OCRL: variants seen among roughly 807,000 people sequenced by gnomAD.
The protein encoded by OCRL is OCRL inositol polyphosphate-5-phosphatase, also known as inositol polyphosphate 5-phosphatase OCRL.
In OCRL, 8 loss-of-function variants were observed where a neutral mutation model predicts 78.9. The observed-to-expected ratio is 0.10, with a 90% CI of 0.06 to 0.18. The LOEUF (loss-of-function observed/expected upper bound fraction) is 0.18, where lower values mean the gene tolerates loss of function less well. Ranked by LOEUF, OCRL falls within the 10% of genes least tolerant of loss-of-function variation. The probability of loss-of-function intolerance (pLI) is 1.00; values close to 1 mark genes in which losing one functional copy is unlikely to be tolerated. For missense variants in OCRL, 454 were observed against 696.7 expected (o/e 0.65, Z 3.92); for synonymous variants, 240 against 235.4 (o/e 1.02, Z -0.18).
In OCRL at chrX:129,562,717, A is replaced by T; in HGVS notation, c.1175A>T (p.Asp392Val). 8.3e-7 allele frequency: 1 copy of T among 1,211,538 alleles called. No homozygotes were observed. Among genetic ancestry groups the T allele is most frequent in the Middle Eastern group, 2.3e-4 (1 of 4,351 alleles). The change falls in exon 12 of 24, where the codon GAC (aspartate) becomes GTC (valine). Residue 392 changes from aspartate (D) to valine (V), a missense_variant. By Grantham distance (152) the Asp-to-Val change is radical. Coordinates refer to ENST00000371113, the MANE Select transcript of OCRL (RefSeq NM_000276.4). The part of the protein sequence containing the change: ...DFERRNQDYK[D>V]ICARMSFVVP... ...GAGAGAAGGAATCAAGATTATAAGG[A>T]CATTTGTGCGAGAATGAGTTTTGTG...
intron 4 of OCRL, among the ~76,000 whole-genome samples, chrX:129,556,861 G>A (rs1236583186): frequency 9.0e-6 from 1 of 111,696 alleles, no homozygotes; most frequent in Non-Finnish European, 1.9e-5. Context: ...CTGTGCTTAC[G>A]GACAAACCAT....
rs1261919161 is a variant in OCRL at position 129,588,892 on chromosome X, G to A, written c.2348G>A (p.Ser783Asn). 1 of 1,211,493 alleles carries A rather than the reference G, an allele frequency of 8.3e-7. No homozygotes were observed. The highest frequency in any genetic ancestry group is 1.1e-6 in the Non-Finnish European group (1 of 895,361). ...DTSIPETIPGSNHSVAEALLI... is the reference protein window; with the variant it reads ...DTSIPETIPGNNHSVAEALLI... ...TTGACTTAAGTTGATTCAGCTGGCA[G>A]CAACCACTCTGTGGCTGAAGCACTG... The change falls in exon 22 of 24, where the codon AGC (serine) becomes AAC (asparagine). Residue 783 changes from serine to asparagine, a missense_variant. This residue lies in a region of OCRL where 277 missense variants were observed against 517.1 expected (regional missense o/e 0.54). Coordinates refer to ENST00000371113, the MANE Select transcript of OCRL (RefSeq NM_000276.4).
chrX:129,548,718 C>G, intron 4 of OCRL, 117 bp downstream of exon 4: 1 of 608,580 alleles, frequency 1.6e-6, no homozygotes, highest in Non-Finnish European at 2.7e-6. Context: ...TTCCTGTAGT[C>G]TCCTGTAGCA....
rs1936572347 is a variant in OCRL, at chrX:129,590,404, G to A, written c.*134G>A. The A allele has an allele frequency of 1.2e-6, 1 of 822,716 alleles. No individual in the cohort carries two copies. Among genetic ancestry groups the A allele is most frequent in the Non-Finnish European group, 1.8e-6 (1 of 557,860 alleles). The allele number at this position is 822,716 out of a possible 1,213,427, so 67.8% of individuals were successfully genotyped here. ...GTTCTGTTTATAGTAAAAAGGAAGA[G>A]CGTTTCCTAATCCCTCCTTTACCAT... On this transcript the variant is annotated 3_prime_UTR_variant, in exon 24 of 24. Transcript: ENST00000371113.
chrX:129,554,726 G>A (rs1001237249), intron 4 of OCRL, among the ~76,000 whole-genome samples: 4 of 110,638 alleles, frequency 3.6e-5, no homozygotes, highest in Non-Finnish European at 7.6e-5. Context: ...GGCCGAGGCG[G>A]GCGGATCACG....
chrX:129,590,262 G>A lies in OCRL; in HGVS notation c.2698G>A (p.Glu900Lys). The A allele has an allele frequency of 8.3e-7, 1 of 1,211,151 alleles. No homozygotes were observed. The highest frequency in any genetic ancestry group is 1.8e-5 in the South Asian group (1 of 56,963). Reference protein sequence around the residue: ...FLLGFLLGSEED With the variant: ...FLLGFLLGSEKD ...TCTGGGCTTTCTGCTTGGGAGCGAAGAAGACTAAGGCTTTTACTGTTCTCT... is the reference window on the plus strand; with the variant it reads ...TCTGGGCTTTCTGCTTGGGAGCGAAAAAGACTAAGGCTTTTACTGTTCTCT... Residue 900 changes from glutamate to lysine, a missense_variant, in exon 24 of 24, where the codon GAA (glutamate) becomes AAA (lysine). Glu to Lys is a moderately conservative substitution (Grantham distance 56). Transcript: ENST00000371113.
chrX:129,571,170 G>T (rs1936293931), intron 15 of OCRL, among the ~76,000 whole-genome samples: 2 of 110,881 alleles, frequency 1.8e-5, no homozygotes, highest in African/African-American at 3.3e-5. Context: ...ACTTCTTTTA[G>T]CCCATCTAAT....
Position 129,588,921 on chromosome X carries a change from A to G in OCRL, c.2377A>G (p.Ile793Val), listed in dbSNP as rs1484512741. ...SNHSVAEALL[I>V]FLEALPEPVI... ...CCACTCTGTGGCTGAAGCACTGCTCATTTTCTTGGAAGCCCTGCCAGAGCC... is the reference window on the plus strand; with the variant it reads ...CCACTCTGTGGCTGAAGCACTGCTCGTTTTCTTGGAAGCCCTGCCAGAGCC... The change falls in exon 22 of 24, where the codon ATT (isoleucine) becomes GTT (valine). Residue 793 changes from isoleucine to valine, a missense_variant. Transcript: ENST00000371113. 1 of 1,211,080 alleles carries G rather than the reference A, an allele frequency of 8.3e-7. No homozygotes were observed. Among genetic ancestry groups the G allele is most frequent in the Admixed American group, 2.2e-5 (1 of 46,011 alleles).
intron 3 of OCRL, 30 bp from the exon 4 acceptor site, chrX:129,548,533 A>C: frequency 8.5e-7 from 1 of 1,170,826 alleles, no homozygotes; most frequent in Non-Finnish European, 1.2e-6. Context: ...TCTCTTCCCT[A>C]ATCCTACTCT....
chrX:129,582,456 G>T (rs1332312407), intron 18 of OCRL, among the ~76,000 whole-genome samples: 1 of 112,279 alleles, frequency 8.9e-6, no homozygotes, highest in Non-Finnish European at 1.9e-5. Flanking sequence ...ACTTTTTTGA[G>T]AGCCTGGTTC....
Position 129,540,356 on chromosome X carries a change from G to A in OCRL, c.-84G>A. The A allele has an allele frequency of 9.9e-7, 1 of 1,010,248 alleles. No individual in the cohort carries two copies. Among genetic ancestry groups the A allele is most frequent in the East Asian group, 3.3e-5 (1 of 29,943 alleles). 83.3% of individuals were successfully genotyped at this position (1,010,248 alleles called of 1,213,427 possible). ...TGTTCCTCAAACGACACGCAGCCGA[G>A]GTGGGTGGGTGTGGGGACGCGGGAG... On this transcript the variant is annotated 5_prime_UTR_variant, in exon 1 of 24. Coordinates refer to ENST00000371113, the MANE Select transcript of OCRL (RefSeq NM_000276.4).
chrX:129,550,375 T>C (rs1245879145), intron 4 of OCRL, among the ~76,000 whole-genome samples: 1 of 112,217 alleles, frequency 8.9e-6, no homozygotes, highest in Admixed American at 9.5e-5. Context: ...TCATTTACAA[T>C]TACTTTATAA....
At chrX:129,548,277 G>A (rs1418470750) in intron 3 of OCRL, among the ~76,000 whole-genome samples, 1 of 112,147 alleles carries the variant, frequency 8.9e-6, no homozygotes, top group African/African-American at 3.2e-5. Context: ...ATGTTGTTAT[G>A]TTCTGTACTA....
chrX:129,583,841 T>A (rs1460788751), intron 18 of OCRL, among the ~76,000 whole-genome samples: 2 of 111,070 alleles, frequency 1.8e-5, no homozygotes, highest in Non-Finnish European at 3.8e-5. Context: ...TGGGGGCCTT[T>A]GAGGAGGGGA....
chrX:129,549,917 G>A (rs1003747141), intron 4 of OCRL: 2 of 111,989 alleles, frequency 1.8e-5, no homozygotes, highest in African/African-American at 6.5e-5. Flanking sequence ...GGGGAAAATA[G>A]GTAAGTGACC....
intron 16 of OCRL, 52 bp from the exon 17 acceptor site, chrX:129,575,845 A>C: frequency 7.7e-6 from 9 of 1,173,158 alleles, no homozygotes; most frequent in Non-Finnish European, 1.0e-5. Flanking sequence ...AATCCAACTG[A>C]CTTACTTCCC....
At chrX:129,560,822 G>A (rs1469387456) in intron 9 of OCRL, among the ~76,000 whole-genome samples, 171 bp downstream of exon 9, 2 of 112,718 alleles carry the variant, frequency 1.8e-5, no homozygotes, top group Non-Finnish European at 3.8e-5. Flanking sequence ...CTAAAATGGT[G>A]TAAGGAAGCA....
chrX:129,588,488 C>T (rs899923177), intron 21 of OCRL, among the ~76,000 whole-genome samples: 2 of 111,956 alleles, frequency 1.8e-5, no homozygotes, highest in Non-Finnish European at 3.8e-5. Context: ...ATAACAATGA[C>T]TTAAAAGCAT....
intron 4 of OCRL, among the ~76,000 whole-genome samples, chrX:129,550,531 T>C (rs1290688930): frequency 2.7e-5 from 3 of 111,500 alleles, no homozygotes; most frequent in African/African-American, 9.8e-5. Flanking sequence ...TAAAATTTTA[T>C]AGTTTCTTAA....
Sources: allele counts gnomAD v4.1 joint callset (sites outside exome capture counted in the v4.1 genomes callset), GRCh38; gene constraint gnomAD v4.1.1; regional missense constraint gnomAD v4.1.1; transcripts MANE v1.5; gene names NCBI Gene and HGNC (gene_info 2026-07-23, HGNC 2026-07-21).